PLPPR4: variants seen among roughly 807,000 people sequenced by gnomAD.
PLPPR4 encodes phospholipid phosphatase related 4, also known as phospholipid phosphatase-related protein type 4.
Under a neutral mutation model 56.6 loss-of-function variants are expected in PLPPR4, and 24 were observed. That is an observed-to-expected ratio of 0.42 (90% confidence interval 0.31 to 0.60). The LOEUF is 0.60. Ranked by LOEUF, PLPPR4 falls within the 20% of genes least tolerant of loss-of-function variation. The pLI, the probability that PLPPR4 is intolerant of heterozygous loss-of-function variation, is 0.13. For synonymous variants in PLPPR4, 326 were observed against 328.1 expected (o/e 0.99, Z 0.07); for missense variants, 654 against 885.8 (o/e 0.74, Z 3.32).
At chr1:99,295,312 A>C (rs748453766) in intron 2 of PLPPR4, among the ~76,000 whole-genome samples, 10 of 152,334 alleles carry the variant, frequency 6.6e-5, no homozygotes, top group Admixed American at 3.3e-4. Context: ...TACAGAAGTA[A>C]ATATAGCAAT....
intron 1 of PLPPR4, among the ~76,000 whole-genome samples, chr1:99,286,043 A>G (rs1263438328): frequency 6.6e-6 from 1 of 152,230 alleles, no homozygotes; most frequent in Non-Finnish European, 1.5e-5. Flanking sequence ...TGAATAAACA[A>G]TTAAACACAA....
chr1:99,303,139 T>C (rs1659927888), intron 6 of PLPPR4, among the ~76,000 whole-genome samples: 1 of 152,062 alleles, frequency 6.6e-6, no homozygotes, highest in African/African-American at 2.4e-5. Flanking sequence ...TTGTTTTTAA[T>C]GGGAGTTCCA....
At chr1:99,271,097 A>G (rs1177758855) in intron 1 of PLPPR4, among the ~76,000 whole-genome samples, 1 of 152,226 alleles carries the variant, frequency 6.6e-6, no homozygotes, top group Non-Finnish European at 1.5e-5. Flanking sequence ...TTTCTCTATC[A>G]GGAAATAAAA....
At chr1:99,304,679 T>C (rs1199935034) in intron 6 of PLPPR4, among the ~76,000 whole-genome samples, 1 of 152,208 alleles carries the variant, frequency 6.6e-6, no homozygotes, top group Non-Finnish European at 1.5e-5. Flanking sequence ...TTGGAAAATT[T>C]TCAGTTCTAA....
chr1:99,286,518 T>A (rs1175907238), intron 1 of PLPPR4, among the ~76,000 whole-genome samples: 1 of 152,026 alleles, frequency 6.6e-6, no homozygotes, highest in African/African-American at 2.4e-5. Context: ...CAGTTAATGA[T>A]AAGTGTCATG....
chr1:99,280,386 G>A (rs1357245963), intron 1 of PLPPR4, among the ~76,000 whole-genome samples: 1 of 152,176 alleles, frequency 6.6e-6, no homozygotes, highest in African/African-American at 2.4e-5. Flanking sequence ...TGGCACCTAA[G>A]TCCTCAACAC....
chr1:99,308,139 T>C lies in PLPPR4; in HGVS notation c.*1129T>C, dbSNP rs1245616386. The C allele has an allele frequency of 6.6e-6, 1 of 152,160 alleles. No individual in the cohort carries two copies. Among genetic ancestry groups the C allele is most frequent in the African/African-American group, 2.4e-5 (1 of 41,432 alleles). 9.4% of individuals were successfully genotyped at this position (152,160 alleles called of 1,614,324 possible). A position where few individuals can be genotyped will look rare whatever the true frequency, so the allele number is the denominator to read the frequency against. On this transcript the variant is annotated 3_prime_UTR_variant, in exon 7 of 7. Coordinates refer to ENST00000370185, the MANE Select transcript of PLPPR4 (RefSeq NM_014839.5). ...CTAAAAGTCCCATTCGGTTCTACAT[T>C]ATTAACTTTTTTTTTCTATATCCTG...
rs372060252 is a variant in PLPPR4 at position 99,264,686 on chromosome 1, T to G, written c.78+15T>G. On this transcript the variant is annotated intron_variant, in intron 1 of 6. Coordinates refer to ENST00000370185, the MANE Select transcript of PLPPR4 (RefSeq NM_014839.5). Reference sequence around the variant, plus strand: ...ATTTCGTCGAGGTGAGTTGGCCCAGTGCCTTGGCATAATGCAGATCCTCTG... The same window carrying G: ...ATTTCGTCGAGGTGAGTTGGCCCAGGGCCTTGGCATAATGCAGATCCTCTG... 16 of 1,549,770 alleles carry G rather than the reference T, an allele frequency of 1.0e-5. No homozygotes were observed. The African/African-American group carries it at 2.2e-4, about 21-fold the overall frequency.
intron 1 of PLPPR4, among the ~76,000 whole-genome samples, chr1:99,270,385 T>A (rs1037601392): frequency 6.6e-6 from 1 of 152,204 alleles, no homozygotes; most frequent in Non-Finnish European, 1.5e-5. Context: ...TTGCAGGATT[T>A]TGTTAATGGA....
At chr1:99,264,199 T>C (rs559301239), upstream of PLPPR4, 36 of 522,012 alleles carry the variant, frequency 6.9e-5, no homozygotes, top group Admixed American at 7.1e-4. Context: ...AAACCAGGAG[T>C]GCGTCCTCCT....
intron 2 of PLPPR4, among the ~76,000 whole-genome samples, chr1:99,288,984 A>C (rs183146295): frequency 6.6e-6 from 1 of 152,286 alleles, no homozygotes; most frequent in African/African-American, 2.4e-5. Context: ...AACTGAATTC[A>C]AAACATAGTT....
At position 99,306,603 on chromosome 1, in the gene PLPPR4, A is replaced by G. The variant is rs1660037591; in HGVS notation, c.1741A>G (p.Asn581Asp). 2.5e-6 allele frequency: 4 copies of G among 1,614,088 alleles called. No individual in the cohort carries two copies. The highest frequency in any genetic ancestry group is 3.4e-6 in the Non-Finnish European group (4 of 1,180,000). ...GIVRVEAHPE[N>D]NRPIIQIPST... ...AGTGAGGGTTGAGGCTCACCCAGAG[A>G]ACAACAGGCCCATCATACAGATCCC... Residue 581 changes from asparagine to aspartate, a missense_variant, in exon 7 of 7, where the codon AAC (asparagine) becomes GAC (aspartate). Physicochemically the swap from Asn to Asp is conservative, Grantham distance 23. This residue lies in a region of PLPPR4 where 468 missense variants were observed against 554.3 expected (regional missense o/e 0.84). Coordinates refer to ENST00000370185, the MANE Select transcript of PLPPR4 (RefSeq NM_014839.5). The surrounding 1 kb of genome is among the most constrained non-coding windows in gnomAD (Gnocchi z 4.0).
chr1:99,282,052 T>C (rs996797913), intron 1 of PLPPR4, among the ~76,000 whole-genome samples: 14 of 152,208 alleles, frequency 9.2e-5, no homozygotes, highest in Non-Finnish European at 1.3e-4. Flanking sequence ...TTTTCAGCTT[T>C]ATGCCTCCAG....
intron 4 of PLPPR4, among the ~76,000 whole-genome samples, chr1:99,299,877 G>C (rs1047815054): frequency 2.2e-4 from 33 of 151,946 alleles, no homozygotes; most frequent in Admixed American, 1.9e-3. Context: ...AAACTTACAT[G>C]ACAAGAGATA....
At chr1:99,300,270 T>C (rs1039963885) in intron 4 of PLPPR4, among the ~76,000 whole-genome samples, 1 of 152,032 alleles carries the variant, frequency 6.6e-6, no homozygotes, top group Non-Finnish European at 1.5e-5. Context: ...TTCTTTTGCC[T>C]GCCCTTTTCA....
chr1:99,299,262 A>ATTGTT (rs1200698126), intron 4 of PLPPR4, 32 bp downstream of exon 4: 8 of 1,487,004 alleles, frequency 5.4e-6, no homozygotes, highest in Non-Finnish European at 6.5e-6. Flanking sequence ...ACTCTGCATC[A>ATTGTT]TTGTTTTCAT....
intron 2 of PLPPR4, among the ~76,000 whole-genome samples, chr1:99,293,689 A>T (rs1250315536): frequency 6.6e-6 from 1 of 152,234 alleles, no homozygotes; most frequent in Admixed American, 6.5e-5. Flanking sequence ...CAATATGCAG[A>T]ATATTAGACA....
In PLPPR4 at chr1:99,302,503, CTT is replaced by C. The variant is rs1005438230; in HGVS notation, c.822+613_822+614del. ...GTAACACTGAGAAATGAGATGTATT[CTT>C]TTTTTTATTATTATTATTATTATTA... is the stretch of plus-strand genomic sequence containing the variant. On this transcript the variant is annotated intron_variant, in intron 6 of 6. Transcript: ENST00000370185. 4.2e-3 allele frequency among the ~76,000 whole-genome samples: 460 copies of C among 109,654 alleles called. 2 individuals are homozygous for C. The highest frequency in any genetic ancestry group is 0.019 in the African/African-American group (449 of 24,020). The allele number at this position is 109,654 out of a possible 152,430, so 71.9% of individuals were successfully genotyped here. A position where few individuals can be genotyped will look rare whatever the true frequency, so the allele number is the denominator to read the frequency against.
At chr1:99,273,354 A>G (rs1176381848) in intron 1 of PLPPR4, among the ~76,000 whole-genome samples, 1 of 152,088 alleles carries the variant, frequency 6.6e-6, no homozygotes, top group Non-Finnish European at 1.5e-5. Context: ...AAATCAATGT[A>G]TTTGTGGGAA....
Sources: allele counts gnomAD v4.1 joint callset (sites outside exome capture counted in the v4.1 genomes callset), GRCh38; gene constraint gnomAD v4.1.1; regional missense constraint gnomAD v4.1.1; non-coding constraint Gnocchi (gnomAD v3.1); transcripts MANE v1.5; gene names NCBI Gene and HGNC (gene_info 2026-07-23, HGNC 2026-07-21).